Variants in BNIP3L observed in about 807,000 individuals in gnomAD.
BNIP3L encodes BCL2 interacting protein 3 like, also known as BCL2/adenovirus E1B 19 kDa protein-interacting protein 3-like.
A neutral mutation model predicts 25.5 loss-of-function variants in BNIP3L; 10 were observed. That is an observed-to-expected ratio of 0.39 (90% CI 0.24 to 0.67). BNIP3L has a LOEUF of 0.67. Ranked by LOEUF, BNIP3L falls within the 30% of genes least tolerant of loss-of-function variation. The probability of loss-of-function intolerance (pLI) is 0.45; values close to 1 mark genes in which losing one functional copy is unlikely to be tolerated. For missense variants in BNIP3L, 215 were observed against 270.9 expected, an observed-to-expected ratio of 0.79 and a Z score of 1.45; for synonymous variants, 113 against 101.2, an observed-to-expected ratio of 1.12 and a Z score of -0.70.
At chr8:26,403,192 C>G (rs1806429648) in intron 3 of BNIP3L, among the ~76,000 whole-genome samples, 1 of 152,080 alleles carries the variant, frequency 6.6e-6, no homozygotes, top group Non-Finnish European at 1.5e-5. Flanking sequence ...ACAGCCTAAC[C>G]CCTGTGAGAG....
chr8:26,402,016 T>C (rs945356506), intron 3 of BNIP3L, among the ~76,000 whole-genome samples: 2 of 152,234 alleles, frequency 1.3e-5, no homozygotes, highest in Non-Finnish European at 2.9e-5. Context: ...TTAATGAACC[T>C]TTGAATGAGT....
intron 1 of BNIP3L, among the ~76,000 whole-genome samples, chr8:26,388,972 A>G (rs150199789): frequency 5.9e-5 from 9 of 152,318 alleles, no homozygotes; most frequent in Non-Finnish European, 8.8e-5. Flanking sequence ...CTGGGTGACA[A>G]TGCAAGACTG....
chr8:26,395,181 T>C (rs767495748), intron 2 of BNIP3L, 49 bp from the exon 3 acceptor site: 1 of 1,582,256 alleles, frequency 6.3e-7, no homozygotes, highest in Admixed American at 1.7e-5. Context: ...GACTAAGTCA[T>C]TTGACAAAGT....
intron 3 of BNIP3L, among the ~76,000 whole-genome samples, chr8:26,398,556 T>G (rs1806298658): frequency 1.5e-5 from 2 of 133,336 alleles, no homozygotes; most frequent in African/African-American, 2.9e-5. Flanking sequence ...GCATCACAAT[T>G]AAAAGAACTA....
rs930837833 is a variant in BNIP3L, at chr8:26,412,740, A to C, written c.*2328A>C. 1.0e-4 allele frequency: 16 copies of C among 152,640 alleles called. No homozygotes were observed. Among genetic ancestry groups the C allele is most frequent in the African/African-American group, 3.9e-4 (16 of 41,454 alleles). The allele number at this position is 152,640 out of a possible 1,614,324, so 9.5% of individuals were successfully genotyped here. The stretch of plus-strand genomic sequence containing the variant: ...AATTAATAGTTGAAATTGTGAGGTT[A>C]ATGTTTAAAAAGCTTTACACCTGTT... On this transcript the variant is annotated 3_prime_UTR_variant, in exon 6 of 6. Coordinates refer to ENST00000380629, the MANE Select transcript of BNIP3L (RefSeq NM_004331.3).
At chr8:26,391,458 G>A (rs1452784525) in intron 2 of BNIP3L, 32 bp downstream of exon 2, 1 of 1,486,430 alleles carries the variant, frequency 6.7e-7, no homozygotes, top group East Asian at 2.4e-5. Context: ...GTGGAATTCA[G>A]GAAACAGGTG....
chr8:26,410,725 C>T lies in BNIP3L; in HGVS notation c.*313C>T, dbSNP rs1806603869. The T allele has an allele frequency of 8.3e-6, 3 of 361,170 alleles. No individual in the cohort carries two copies. Among genetic ancestry groups the T allele is most frequent in the Non-Finnish European group, 1.6e-5 (3 of 189,504 alleles). The allele number at this position is 361,170 out of a possible 1,614,324, so 22.4% of individuals were successfully genotyped here. Reference sequence around the variant, plus strand: ...ATAATTTTGTCAGCAATGCTATTATCTCTAATTAGTGCCACCAGACTAGAC... The same window carrying T: ...ATAATTTTGTCAGCAATGCTATTATTTCTAATTAGTGCCACCAGACTAGAC... On this transcript the variant is annotated 3_prime_UTR_variant, in exon 6 of 6. Coordinates refer to ENST00000380629, the MANE Select transcript of BNIP3L (RefSeq NM_004331.3).
At chr8:26,393,237 G>A (rs902192537) in intron 2 of BNIP3L, among the ~76,000 whole-genome samples, 8 of 151,488 alleles carry the variant, frequency 5.3e-5, no homozygotes, top group Non-Finnish European at 8.8e-5. Context: ...ATGTTTTAGG[G>A]TTGTTGGGTA....
intron 1 of BNIP3L, among the ~76,000 whole-genome samples, chr8:26,384,686 G>C (rs1315943851): frequency 2.0e-5 from 3 of 150,704 alleles, no homozygotes; most frequent in African/African-American, 7.3e-5. Context: ...GAGCAAAGCA[G>C]AGGTTCTCAT....
At chr8:26,388,856 G>T (rs2117466578) in intron 1 of BNIP3L, among the ~76,000 whole-genome samples, 1 of 151,016 alleles carries the variant, frequency 6.6e-6, no homozygotes, top group Admixed American at 6.6e-5. Context: ...GGGCATGGTG[G>T]CATGTGCCCT....
In BNIP3L at chr8:26,392,246, C is replaced by T. The variant is rs886243108; in HGVS notation, c.284+820C>T. 2.8e-4 allele frequency among the ~76,000 whole-genome samples: 42 copies of T among 147,974 alleles called. 1 individual carries two copies. The highest frequency in any genetic ancestry group is 8.9e-5 in the Non-Finnish European group (6 of 67,374). ...AATTCTTGTTTCAGTGACAGCTACA[C>T]TGTTAGCATTATGGGGCACTGGATG... On this transcript the variant is annotated intron_variant, in intron 2 of 5. Coordinates refer to ENST00000380629, the MANE Select transcript of BNIP3L (RefSeq NM_004331.3).
intron 2 of BNIP3L, 74 bp downstream of exon 2, chr8:26,391,500 C>T (rs1806111385): frequency 2.3e-6 from 3 of 1,312,810 alleles, no homozygotes; most frequent in East Asian, 2.7e-5. Context: ...TAGGAAAAAT[C>T]TGTTTGCTTA....
chr8:26,385,699 CG>C (rs1805978202), intron 1 of BNIP3L, among the ~76,000 whole-genome samples: 1 of 151,958 alleles, frequency 6.6e-6, no homozygotes, highest in Non-Finnish European at 1.5e-5. Flanking sequence ...TTTGGCCAGT[CG>C]GTTCCTGCTT....
chr8:26,383,085 C>G lies in BNIP3L; in HGVS notation c.-46C>G. On this transcript the variant is annotated 5_prime_UTR_variant, in exon 1 of 6. Transcript: ENST00000380629. ...GGCTTGTTGTGTTGCTGCCTGAGTG[C>G]CGGAGACGGTCCTGCTGCTGCCGCA... 1 of 1,507,816 alleles carries G rather than the reference C, an allele frequency of 6.6e-7. No homozygotes were observed. The highest frequency in any genetic ancestry group is 9.0e-7 in the Non-Finnish European group (1 of 1,110,408). The allele number at this position is 1,507,816 out of a possible 1,614,324, so 93.4% of individuals were successfully genotyped here. A position where few individuals can be genotyped will look rare whatever the true frequency, so the allele number is the denominator to read the frequency against.
chr8:26,393,417 T>G (rs1172482075), intron 2 of BNIP3L, among the ~76,000 whole-genome samples: 1 of 147,984 alleles, frequency 6.8e-6, no homozygotes, highest in Non-Finnish European at 1.5e-5. Flanking sequence ...CCAGAAGCTT[T>G]TAAAAATGGC....
intron 4 of BNIP3L, 29 bp from the exon 5 acceptor site, chr8:26,408,198 T>G: frequency 6.2e-7 from 1 of 1,612,330 alleles, no homozygotes; most frequent in Non-Finnish European, 8.5e-7. Flanking sequence ...TTTCAGCAAA[T>G]GACATCTGCC....
At position 26,408,512 on chromosome 8, in the gene BNIP3L, G is replaced by A. The variant is rs1314464712; in HGVS notation, c.611+136G>A. 3 of 1,036,626 alleles carry A rather than the reference G, an allele frequency of 2.9e-6. No individual in the cohort carries two copies. The African/African-American group carries it at 4.8e-5, about 17-fold the overall frequency. 64.2% of individuals were successfully genotyped at this position (1,036,626 alleles called of 1,614,324 possible). On this transcript the variant is annotated intron_variant, in intron 5 of 5. Transcript: ENST00000380629. ...GTGCAAATAAGGTGAACTTAAAAAAGTGGGTGCACAATTGTTCTACAAATA... is the reference window on the plus strand; with the variant it reads ...GTGCAAATAAGGTGAACTTAAAAAAATGGGTGCACAATTGTTCTACAAATA...
chr8:26,401,348 T>C (rs889112018), intron 3 of BNIP3L, among the ~76,000 whole-genome samples: 4 of 145,642 alleles, frequency 2.7e-5, no homozygotes, highest in Non-Finnish European at 4.5e-5. Flanking sequence ...TTCTCACTCA[T>C]AGGTGGGAAT....
intron 1 of BNIP3L, among the ~76,000 whole-genome samples, chr8:26,386,656 G>A (rs972635933): frequency 2.0e-5 from 3 of 151,942 alleles, no homozygotes; most frequent in East Asian, 1.9e-4. Flanking sequence ...GCTGGTCACC[G>A]GCTAACTTAT....
Sources: gnomAD v4.1 joint callset for allele counts (sites outside exome capture counted in the v4.1 genomes callset) on GRCh38, gnomAD v4.1.1 for gene constraint, MANE v1.5 for transcripts, NCBI Gene and HGNC (gene_info 2026-07-23, HGNC 2026-07-21) for gene names.